KCNJ3: variants seen among roughly 807,000 people sequenced by gnomAD.
KCNJ3 encodes the protein G protein-activated inward rectifier potassium channel 1.
In KCNJ3, 4 loss-of-function variants were observed where a neutral mutation model predicts 39.2. The observed-to-expected ratio is 0.10, with a 90% confidence interval of 0.05 to 0.23. The LOEUF (loss-of-function observed/expected upper bound fraction) is 0.23, where lower values mean the gene tolerates loss of function less well. Ranked by LOEUF, KCNJ3 falls within the 10% of genes least tolerant of loss-of-function variation. The probability of loss-of-function intolerance (pLI) is 1.00; values close to 1 mark genes in which losing one functional copy is unlikely to be tolerated. For synonymous variants in KCNJ3, 230 were observed against 237.4 expected (o/e 0.97, Z 0.29); for missense variants, 276 against 634.9 (o/e 0.43, Z 6.08).
chr2:154,852,384 A>C (rs1449366797), intron 2 of KCNJ3, among the ~76,000 whole-genome samples: 1 of 152,162 alleles, frequency 6.6e-6, no homozygotes, highest in Non-Finnish European at 1.5e-5. Flanking sequence ...CGACAGAGTG[A>C]GATCTCATCT....
Position 154,855,313 on chromosome 2 carries a change from A to G in KCNJ3, c.1506A>G (p.Ter502=), listed in dbSNP as rs564943542. 1 of 1,582,428 alleles carries G rather than the reference A, an allele frequency of 6.3e-7. No homozygotes were observed. The highest frequency in any genetic ancestry group is 1.8e-5 in the Admixed American group (1 of 54,760). The change falls in exon 3 of 3, where the codon TAA becomes TAG. Residue 502 remains the stop codon, a stop_retained_variant. Transcript: ENST00000295101. The stretch of plus-strand genomic sequence containing the variant: ...AAATGAACTCTGATCGCTTCACATA[A>G]CAAAGCACTCCCTTAGGCATTATTT... The part of the protein sequence containing the change: ...LRKMNSDRFT[*]
intron 2 of KCNJ3, among the ~76,000 whole-genome samples, chr2:154,725,664 A>G (rs538942276): frequency 6.6e-6 from 1 of 152,276 alleles, no homozygotes; most frequent in Admixed American, 6.5e-5. Flanking sequence ...CTAAGCAAAA[A>G]GAACAAATCT....
intron 2 of KCNJ3, among the ~76,000 whole-genome samples, chr2:154,729,199 T>G (rs545932621): frequency 6.6e-6 from 1 of 152,318 alleles, no homozygotes; most frequent in South Asian, 2.1e-4. Context: ...TCAGAATGTT[T>G]TTTAGTTAAC....
rs569490574 is a variant in KCNJ3 at position 154,792,561 on chromosome 2, A to G, written c.920-62166A>G. On this transcript the variant is annotated intron_variant, in intron 2 of 2. Coordinates refer to ENST00000295101, the MANE Select transcript of KCNJ3 (RefSeq NM_002239.4). ...TCCTGCTACTAAGTCCCCTCCCCATATCACACGTATTGAAGTAGGGTAGAA... is the reference window on the plus strand; with the variant it reads ...TCCTGCTACTAAGTCCCCTCCCCATGTCACACGTATTGAAGTAGGGTAGAA... Among the ~76,000 whole-genome samples the G allele has an allele frequency of 1.2e-4, 18 of 152,158 alleles. No individual in the cohort carries two copies. The South Asian group carries it at 3.1e-3, about 26-fold the overall frequency.
At chr2:154,821,205 T>C (rs746493195) in intron 2 of KCNJ3, among the ~76,000 whole-genome samples, 4 of 152,182 alleles carry the variant, frequency 2.6e-5, no homozygotes, top group East Asian at 1.9e-4. Context: ...TCTCATCTTG[T>C]GCATTTTTTT....
chr2:154,809,796 A>G (rs528112933), intron 2 of KCNJ3, among the ~76,000 whole-genome samples: 28 of 152,312 alleles, frequency 1.8e-4, no homozygotes, highest in African/African-American at 6.5e-4. Flanking sequence ...TAGCTAGTTT[A>G]TGCAAGTTTT....
At chr2:154,800,574 C>G (rs1400348504) in intron 2 of KCNJ3, among the ~76,000 whole-genome samples, 1 of 152,040 alleles carries the variant, frequency 6.6e-6, no homozygotes, top group African/African-American at 2.4e-5. Flanking sequence ...CTTTTTATTG[C>G]CTTCAATATG....
intron 2 of KCNJ3, among the ~76,000 whole-genome samples, chr2:154,810,456 C>T (rs1020259264): frequency 1.3e-5 from 2 of 151,970 alleles, no homozygotes; most frequent in African/African-American, 4.8e-5. Flanking sequence ...GAAAACATTT[C>T]CTACTAGATA....
At chr2:154,758,992 T>C (rs2105187281) in intron 2 of KCNJ3, among the ~76,000 whole-genome samples, 1 of 152,328 alleles carries the variant, frequency 6.6e-6, no homozygotes, top group South Asian at 2.1e-4. Context: ...GGATTTGCCC[T>C]AGAGGCCTCT....
At chr2:154,833,698 C>T (rs2105121935) in intron 2 of KCNJ3, among the ~76,000 whole-genome samples, 1 of 152,238 alleles carries the variant, frequency 6.6e-6, no homozygotes, top group African/African-American at 2.4e-5. Flanking sequence ...TCTATTCATC[C>T]CTCCGTCTCC....
At position 154,839,826 on chromosome 2, in the gene KCNJ3, C is replaced by T. The variant is rs573019710; in HGVS notation, c.920-14901C>T. ...ATTTGTTTGAGTTCTTTGTAGATTC[C>T]GGATGTTAGCCCTTTGCCAGGTGAG... is the stretch of plus-strand genomic sequence containing the variant. On this transcript the variant is annotated intron_variant, in intron 2 of 2. Transcript: ENST00000295101. Among the ~76,000 whole-genome samples, 6 of 151,936 alleles carry T rather than the reference C, an allele frequency of 3.9e-5. No homozygotes were observed. The East Asian group carries it at 5.8e-4, about 15-fold the overall frequency.
intron 2 of KCNJ3, among the ~76,000 whole-genome samples, chr2:154,764,108 C>T (rs1018723707): frequency 1.3e-5 from 2 of 152,142 alleles, no homozygotes; most frequent in African/African-American, 4.8e-5. Context: ...TGTTAGTTGT[C>T]AGCTTACTAC....
intron 2 of KCNJ3, among the ~76,000 whole-genome samples, chr2:154,746,127 A>T (rs779959977): frequency 2.6e-5 from 4 of 152,010 alleles, no homozygotes; most frequent in Non-Finnish European, 5.9e-5. Flanking sequence ...TGAATAGTAA[A>T]TAGATTTTCT....
intron 2 of KCNJ3, among the ~76,000 whole-genome samples, chr2:154,745,962 C>A (rs1047497371): frequency 2.6e-5 from 4 of 151,616 alleles, no homozygotes; most frequent in African/African-American, 9.7e-5. Context: ...GTCTCCATTC[C>A]CTGTCTGGGA....
At position 154,759,218 on chromosome 2, in the gene KCNJ3, C is replaced by A. The variant is rs115820041; in HGVS notation, c.919+49399C>A. Among the ~76,000 whole-genome samples, 534 of 152,154 alleles carry A rather than the reference C, an allele frequency of 3.5e-3. 3 individuals carry two copies. The highest frequency in any genetic ancestry group is 0.012 in the African/African-American group (519 of 41,534). ...TGAACAGTGCAACAACTGCTAGTGC[C>A]GGGACACTGAATTTTGTTCTTATTA... On this transcript the variant is annotated intron_variant, in intron 2 of 2. Transcript: ENST00000295101.
intron 2 of KCNJ3, among the ~76,000 whole-genome samples, chr2:154,819,744 T>A (rs1182607413): frequency 1.3e-5 from 2 of 152,002 alleles, no homozygotes; most frequent in Admixed American, 6.6e-5. Flanking sequence ...TTGGCCAGGA[T>A]GCTCTCAATC....
At chr2:154,745,104 A>T (rs1017702797) in intron 2 of KCNJ3, among the ~76,000 whole-genome samples, 6 of 151,900 alleles carry the variant, frequency 3.9e-5, no homozygotes, top group Non-Finnish European at 1.5e-5. Context: ...CCTCATTTAA[A>T]ACCTCTTACA....
intron 2 of KCNJ3, among the ~76,000 whole-genome samples, chr2:154,724,973 T>C (rs961060368): frequency 2.9e-5 from 4 of 139,394 alleles, no homozygotes. Context: ...AGAAATATTT[T>C]ACTCTGAAGA....
At chr2:154,827,826 A>G (rs2652460) in intron 2 of KCNJ3, among the ~76,000 whole-genome samples, 66,933 of 151,972 alleles carry the variant, frequency 0.44, 16,062 homozygotes, top group Non-Finnish European at 0.54. Context: ...ATAAATATAA[A>G]CACGTCTTAG....
Sources: gnomAD v4.1 joint callset for allele counts (sites outside exome capture counted in the v4.1 genomes callset) on GRCh38, gnomAD v4.1.1 for gene constraint, MANE v1.5 for transcripts, NCBI Gene and HGNC (gene_info 2026-07-23, HGNC 2026-07-21) for gene names.